Variants in MS4A6A observed in about 807,000 individuals in gnomAD.
MS4A6A encodes the protein membrane-spanning 4-domains subfamily A member 6A.
A neutral mutation model predicts 20.6 loss-of-function variants in MS4A6A; 19 were observed. That is an observed-to-expected ratio of 0.92 (90% CI 0.64 to 1.36). MS4A6A has a LOEUF of 1.36. MS4A6A is among the 40% of genes most tolerant of loss of function. MS4A6A has a pLI of 0.00. For missense variants in MS4A6A, 272 were observed against 261.1 expected (o/e 1.04, Z -0.29); for synonymous variants, 108 against 105.0 (o/e 1.03, Z -0.17).
At chr11:60,179,682 T>C (rs1236688838) in intron 3 of MS4A6A, 149 bp downstream of exon 3, 1 of 856,540 alleles carries the variant, frequency 1.2e-6, no homozygotes, top group African/African-American at 1.7e-5. Context: ...GCAACCCCTG[T>C]CATCCTACCC....
chr11:60,172,118 A>C (rs371274414), downstream of MS4A6A: 1 of 1,585,554 alleles, frequency 6.3e-7, no homozygotes, highest in African/African-American at 1.4e-5. Context: ...CCATATTATC[A>C]TAAGAATCAA....
intron 2 of MS4A6A, chr11:60,180,220 G>A (rs1857061418): frequency 1.9e-6 from 1 of 528,458 alleles, no homozygotes; most frequent in Admixed American, 3.5e-5. Flanking sequence ...TCAGGCCCTG[G>A]TCTGCTCATG....
intron 5 of MS4A6A, among the ~76,000 whole-genome samples, chr11:60,174,136 C>A (rs920651984): frequency 8.5e-5 from 13 of 152,184 alleles, no homozygotes; most frequent in Non-Finnish European, 1.9e-4. Context: ...GTGCCAATTG[C>A]TGTCAGCCTC....
chr11:60,174,179 C>A (rs946338872), intron 5 of MS4A6A, among the ~76,000 whole-genome samples: 3 of 152,126 alleles, frequency 2.0e-5, no homozygotes, highest in Non-Finnish European at 2.9e-5. Flanking sequence ...TATACCATTA[C>A]CTTGGGAGCA....
chr11:60,181,768 C>T (rs1293477237), intron 1 of MS4A6A, 27 bp from the exon 2 acceptor site: 1 of 1,610,948 alleles, frequency 6.2e-7, no homozygotes, highest in Non-Finnish European at 8.5e-7. Flanking sequence ...AGATTTAGCT[C>T]TTAAAAAGTA....
rs1856785275 is a variant in MS4A6A at position 60,175,483 on chromosome 11, T to C, written c.468A>G (p.Ile156Met). The C allele has an allele frequency of 1.9e-6, 3 of 1,613,964 alleles. No homozygotes were observed. Among genetic ancestry groups the C allele is most frequent in the Non-Finnish European group, 2.5e-6 (3 of 1,179,976 alleles). Reference protein sequence around the residue: ...SLQCELDKNNIPTRSYVSYFY... With the variant: ...SLQCELDKNNMPTRSYVSYFY... ...AGTAAGAAACATAACTTCTTGTTGG[T>C]ATATTATTTTTGTCCAACTCACACT... Residue 156 changes from isoleucine to methionine, a missense_variant, in exon 5 of 6, where the codon ATA becomes ATG. Coordinates refer to ENST00000528851, the MANE Select transcript of MS4A6A (RefSeq NM_022349.4).
At chr11:60,175,341 C>A in intron 5 of MS4A6A, 61 bp downstream of exon 5, 1 of 1,364,750 alleles carries the variant, frequency 7.3e-7, no homozygotes, top group Non-Finnish European at 1.0e-6. Flanking sequence ...GAAGGAATAA[C>A]AAGAAATCAA....
Position 60,175,572 on chromosome 11 carries a change from A to G in MS4A6A, c.379T>C (p.Ser127Pro). The change falls in exon 5 of 6, where the codon TCT becomes CCT. Residue 127 changes from serine (S) to proline (P), a missense_variant. Physicochemically the swap from Ser to Pro is moderately conservative, Grantham distance 74 (BLOSUM62 -1). Coordinates refer to ENST00000528851, the MANE Select transcript of MS4A6A (RefSeq NM_022349.4). Reference sequence around the variant, plus strand: ...AGGATAATGAAACCCACCAGGGCAGACAGAGCACTCAGAATGCTTCCAACC... The same window carrying G: ...AGGATAATGAAACCCACCAGGGCAGGCAGAGCACTCAGAATGCTTCCAACC... Reference protein sequence around the residue: ...SLVGSILSALSALVGFIILSV... With the variant: ...SLVGSILSALPALVGFIILSV... The G allele has an allele frequency of 6.2e-7, 1 of 1,613,950 alleles. No individual in the cohort carries two copies. Among genetic ancestry groups the G allele is most frequent in the Non-Finnish European group, 8.5e-7 (1 of 1,180,034 alleles).
chr11:60,175,936 G>A (rs1043741620), intron 4 of MS4A6A, among the ~76,000 whole-genome samples: 8 of 152,186 alleles, frequency 5.3e-5, no homozygotes, highest in African/African-American at 9.7e-5. Flanking sequence ...CCAAGAGAGC[G>A]TGACCCAAAG....
downstream of MS4A6A, chr11:60,172,412 A>C: frequency 7.2e-7 from 1 of 1,386,474 alleles, no homozygotes; most frequent in Non-Finnish European, 9.3e-7. Context: ...TTATCACCCT[A>C]GTATTCATTC....
intron 2 of MS4A6A, chr11:60,180,784 T>A: frequency 3.3e-6 from 1 of 299,978 alleles, no homozygotes; most frequent in Non-Finnish European, 6.6e-6. Flanking sequence ...CATGTATAAC[T>A]GAAGCTCTGT....
intron 3 of MS4A6A, 21 bp from the exon 4 acceptor site, chr11:60,178,337 G>T: frequency 6.2e-7 from 1 of 1,609,066 alleles, no homozygotes; most frequent in Non-Finnish European, 8.5e-7. Context: ...AGAGAAAATG[G>T]TCAGGTCAGA....
intron 5 of MS4A6A, among the ~76,000 whole-genome samples, chr11:60,173,551 T>C (rs1459521169): frequency 6.6e-6 from 1 of 152,190 alleles, no homozygotes; most frequent in Admixed American, 6.5e-5. Flanking sequence ...TAGCTCCTGT[T>C]TCCTCATGTA....
chr11:60,184,520 T>C (rs1312555517), upstream of MS4A6A: 2 of 152,248 alleles, frequency 1.3e-5, no homozygotes, highest in African/African-American at 4.8e-5. Flanking sequence ...AATGTGCTAA[T>C]AAACCAGTTA....
chr11:60,175,320 G>T, intron 5 of MS4A6A, 82 bp downstream of exon 5: 1 of 1,204,756 alleles, frequency 8.3e-7, no homozygotes, highest in South Asian at 1.5e-5. Context: ...CCAATAGAGA[G>T]ATTTTCAAAA....
chr11:60,172,711 G>A lies in MS4A6A; in HGVS notation c.*290C>T. 1.6e-6 allele frequency: 2 copies of A among 1,220,594 alleles called. No homozygotes were observed. Among genetic ancestry groups the A allele is most frequent in the Non-Finnish European group, 2.1e-6 (2 of 965,544 alleles). The allele number at this position is 1,220,594 out of a possible 1,614,324, so 75.6% of individuals were successfully genotyped here. A position where few individuals can be genotyped will look rare whatever the true frequency, so the allele number is the denominator to read the frequency against. ...GCCAGGTTCTAGTGTCCTCAGCAAA[G>A]GCACAAACTCATAGCATAATGCCAG... is the stretch of plus-strand genomic sequence containing the variant. On this transcript the variant is annotated 3_prime_UTR_variant, in exon 6 of 6. Coordinates refer to ENST00000528851, the MANE Select transcript of MS4A6A (RefSeq NM_022349.4).
chr11:60,179,537 C>T, intron 3 of MS4A6A: 5 of 549,620 alleles, frequency 9.1e-6, no homozygotes, highest in South Asian at 7.6e-5. Context: ...TATCCTAATT[C>T]ATGGATTTTT....
intron 5 of MS4A6A, among the ~76,000 whole-genome samples, chr11:60,173,425 C>T (rs1003212912): frequency 7.9e-5 from 12 of 152,176 alleles, no homozygotes; most frequent in African/African-American, 4.8e-5. Flanking sequence ...ATTGTTCACT[C>T]GGTAAGAAAG....
Position 60,178,242 on chromosome 11 carries a change from T to C in MS4A6A, c.339+18A>G. On this transcript the variant is annotated intron_variant, in intron 4 of 5. Transcript: ENST00000528851. ...TATTTTGATCCATTGGGTTGTGGGT[T>C]ATAGCTCTCTTACTCACCAAAAGCT... The C allele has an allele frequency of 6.2e-7, 1 of 1,604,904 alleles. No homozygotes were observed. The highest frequency in any genetic ancestry group is 8.5e-7 in the Non-Finnish European group (1 of 1,171,616).
Sources: allele counts gnomAD v4.1 joint callset (sites outside exome capture counted in the v4.1 genomes callset), GRCh38; gene constraint gnomAD v4.1.1; transcripts MANE v1.5; gene names NCBI Gene and HGNC (gene_info 2026-07-23, HGNC 2026-07-21).